Variants in SSUH2 observed in about 807,000 individuals in gnomAD.
The protein encoded by SSUH2 is ssu-2 homolog.
SSUH2 carries 47 observed loss-of-function variants against 55.3 expected under a neutral mutation model. The observed-to-expected ratio is 0.85, with a 90% confidence interval of 0.67 to 1.08. The LOEUF (loss-of-function observed/expected upper bound fraction) is 1.08. Ranked by LOEUF, SSUH2 falls within the 50% of genes least tolerant of loss-of-function variation. The probability of loss-of-function intolerance (pLI) is 0.00; values close to 1 mark genes in which losing one functional copy is unlikely to be tolerated. For missense variants in SSUH2, 535 were observed against 490.7 expected, an observed-to-expected ratio of 1.09 and a Z score of -0.85; for synonymous variants, 212 against 191.5, an observed-to-expected ratio of 1.11 and a Z score of -0.89.
chr3:8,679,024 C>A (rs1192014092), intron 2 of SSUH2, among the ~76,000 whole-genome samples: 3 of 111,150 alleles, frequency 2.7e-5, no homozygotes, highest in Non-Finnish European at 6.4e-5. Flanking sequence ...CCTCTTCCCC[C>A]CCTGGCTCTT....
intron 8 of SSUH2, among the ~76,000 whole-genome samples, chr3:8,626,555 C>G (rs1246047372): frequency 1.3e-5 from 2 of 149,976 alleles, no homozygotes; most frequent in East Asian, 3.9e-4. Flanking sequence ...CCCTCCCCCA[C>G]CACTAAATTC....
chr3:8,629,336 G>A, intron 7 of SSUH2: 2 of 321,118 alleles, frequency 6.2e-6, no homozygotes, highest in Non-Finnish European at 1.1e-5. Context: ...GACAAAGACT[G>A]CCTGGTAAGA....
At chr3:8,643,085 T>C (rs1002178898) in intron 1 of SSUH2, among the ~76,000 whole-genome samples, 17 of 152,202 alleles carry the variant, frequency 1.1e-4, no homozygotes, top group African/African-American at 4.1e-4. Flanking sequence ...CAGAAGATAA[T>C]ATTTCCCATT....
chr3:8,670,632 G>A (rs577913146), intron 5 of SSUH2, among the ~76,000 whole-genome samples: 2 of 151,974 alleles, frequency 1.3e-5, no homozygotes, highest in East Asian at 3.9e-4. Context: ...GTGACATTAG[G>A]AGTAACACCC....
chr3:8,645,163 T>C (rs1354588717), upstream of SSUH2, among the ~76,000 whole-genome samples: 4 of 152,164 alleles, frequency 2.6e-5, no homozygotes, highest in Non-Finnish European at 5.9e-5. Context: ...TCCTAAGTAT[T>C]GTAGGGCGCA....
chr3:8,649,928 C>G (rs1184040787), intron 7 of SSUH2, among the ~76,000 whole-genome samples: 2 of 152,174 alleles, frequency 1.3e-5, no homozygotes, highest in Non-Finnish European at 2.9e-5. Context: ...GCGAGCGACC[C>G]CCTGCACCCT....
chr3:8,652,324 T>C (rs1382970035), intron 7 of SSUH2, among the ~76,000 whole-genome samples: 3 of 152,202 alleles, frequency 2.0e-5, no homozygotes, highest in African/African-American at 4.8e-5. Context: ...AGTAGCCTTA[T>C]AGACCAGTAA....
intron 7 of SSUH2, among the ~76,000 whole-genome samples, chr3:8,652,486 T>TC (rs1396605470): frequency 2.0e-5 from 3 of 151,920 alleles, no homozygotes; most frequent in Admixed American, 1.3e-4. Flanking sequence ...CTGCTCAGAG[T>TC]CCCCCTCCCA....
chr3:8,666,592 G>A lies in SSUH2; in HGVS notation c.-454-2790C>T, dbSNP rs144191527. ...GTTTTTCCTCTGCTCTCATACCACC[G>A]CAACAATCATCAACACAGAAGATGA... On this transcript the variant is annotated intron_variant, in intron 5 of 18. Transcript: ENST00000317371. Among the ~76,000 whole-genome samples, 596 of 152,218 alleles carry A rather than the reference G, an allele frequency of 3.9e-3. 4 individuals are homozygous for A. The highest frequency in any genetic ancestry group is 0.013 in the African/African-American group (542 of 41,522).
chr3:8,668,530 T>G (rs1197071008), intron 5 of SSUH2, among the ~76,000 whole-genome samples: 1 of 152,240 alleles, frequency 6.6e-6, no homozygotes, highest in Non-Finnish European at 1.5e-5. Context: ...TCAAAGAATT[T>G]CAACTATGCT....
intron 1 of SSUH2, among the ~76,000 whole-genome samples, chr3:8,681,184 A>G (rs1417229541): frequency 3.3e-5 from 4 of 122,650 alleles, no homozygotes; most frequent in Non-Finnish European, 7.1e-5. Flanking sequence ...ACCCCATGCA[A>G]GGCGGGGAAT....
intron 6 of SSUH2, 122 bp from the exon 7 acceptor site, chr3:8,629,848 A>G (rs779795921): frequency 1.1e-6 from 1 of 880,856 alleles, no homozygotes; most frequent in Non-Finnish European, 1.9e-6. Context: ...ATGGCACAGG[A>G]AAGAAATGGC....
intron 3 of SSUH2, chr3:8,677,088 T>C (rs1419659072): frequency 6.8e-6 from 1 of 147,848 alleles, no homozygotes; most frequent in Non-Finnish European, 1.5e-5. Flanking sequence ...CTGTGGCTCT[T>C]AGGACCCCCA....
Position 8,635,300 on chromosome 3 carries a change from C to T in SSUH2, c.209G>A (p.Arg70Lys). 2.6e-6 allele frequency: 4 copies of T among 1,534,920 alleles called. No individual in the cohort carries two copies. The highest frequency in any genetic ancestry group is 3.5e-6 in the Non-Finnish European group (4 of 1,146,066). Residue 70 changes from arginine (R) to lysine (K), a missense_variant and splice_region_variant, in exon 3 of 12, where the codon AGA becomes AAA. Physicochemically the swap from Arg to Lys is conservative, Grantham distance 26 (BLOSUM62 2). Coordinates refer to ENST00000544814, the MANE Select transcript of SSUH2 (RefSeq NM_001256748.3). ...QRSWPSFLEH[R>K]VPAMTEEVAR... ...TCACAGAGTACAACCTGAAACTCAC[C>T]TGTGTTCCAGGAACGAGGGCCAGGA...
At chr3:8,627,542 A>T in intron 8 of SSUH2, 156 bp downstream of exon 8, 1 of 476,080 alleles carries the variant, frequency 2.1e-6, no homozygotes, top group East Asian at 3.5e-5. Context: ...AAGCTCACCT[A>T]CTCTTCAAAT....
chr3:8,620,048 G>A (rs1315787065), intron 11 of SSUH2, 34 bp from the exon 12 acceptor site: 4 of 1,610,534 alleles, frequency 2.5e-6, no homozygotes, highest in Non-Finnish European at 2.5e-6. Flanking sequence ...AAATGTCAGT[G>A]TTCTGTTCAA....
At chr3:8,675,269 A>G (rs1245103719) in intron 3 of SSUH2, among the ~76,000 whole-genome samples, 1 of 152,178 alleles carries the variant, frequency 6.6e-6, no homozygotes, top group Non-Finnish European at 1.5e-5. Flanking sequence ...CAGTGGGAAG[A>G]TCCGGAGTCA....
At chr3:8,651,590 CAT>C (rs1396517212) in intron 7 of SSUH2, among the ~76,000 whole-genome samples, 2 of 152,082 alleles carry the variant, frequency 1.3e-5, no homozygotes, top group Non-Finnish European at 2.9e-5. Flanking sequence ...ATTTTTTTCA[CAT>C]GTTATTAAAG....
chr3:8,676,551 G>C (rs535799971), intron 3 of SSUH2, among the ~76,000 whole-genome samples: 1 of 151,060 alleles, frequency 6.6e-6, no homozygotes, highest in African/African-American at 2.4e-5. Context: ...TGCCATATTG[G>C]GAGTAATATC....
Sources: allele counts gnomAD v4.1 joint callset (sites outside exome capture counted in the v4.1 genomes callset), GRCh38; gene constraint gnomAD v4.1.1; transcripts MANE v1.5; gene names NCBI Gene and HGNC (gene_info 2026-07-23, HGNC 2026-07-21).